SLC13A2: variants seen among roughly 807,000 people sequenced by gnomAD.
The protein encoded by SLC13A2 is solute carrier family 13 member 2.
A neutral mutation model predicts 58.5 loss-of-function variants in SLC13A2; 40 were observed. The ratio of observed to expected loss-of-function variants is 0.68; its 90% CI spans 0.53 to 0.89. SLC13A2 has a LOEUF of 0.89. SLC13A2 is among the 40% of genes least tolerant of loss of function. SLC13A2 has a pLI of 0.00. For synonymous variants in SLC13A2, 341 were observed against 331.6 expected (o/e 1.03, Z -0.31); for missense variants, 694 against 772.6 (o/e 0.90, Z 1.21).
chr17:28,496,568 AC>A lies in SLC13A2; in HGVS notation c.1591del (p.Leu531SerfsTer19), dbSNP rs782266742. On this transcript the variant is annotated frameshift_variant, in exon 11 of 12. Coordinates refer to ENST00000314669, the MANE Select transcript of SLC13A2 (RefSeq NM_003984.4). LOFTEE classifies it low-confidence loss of function (END_TRUNC). The surrounding 1 kb of genome is among the most constrained non-coding windows in gnomAD (Gnocchi z 4.2). ...PPNAIVFSFG[D>X]LKVLDMARAG... ...AATGCCATCGTCTTCTCTTTCGGGG[AC>A]CTCAAAGTGTTGGATATGGTAAGTG... is the stretch of plus-strand genomic sequence containing the variant. The A allele has an allele frequency of 6.2e-7, 1 of 1,613,170 alleles. No homozygotes were observed. Among genetic ancestry groups the A allele is most frequent in the Non-Finnish European group, 8.5e-7 (1 of 1,179,520 alleles).
chr17:28,477,487 C>G lies in SLC13A2; in HGVS notation c.102+3673C>G, dbSNP rs557574397. On this transcript the variant is annotated intron_variant, in intron 1 of 11. Transcript: ENST00000314669. Reference sequence around the variant, plus strand: ...GGGATTACAGGCGTGAGCCACCATGCCCGGCCACCCCCAACTTTTTGAATG... The same window carrying G: ...GGGATTACAGGCGTGAGCCACCATGGCCGGCCACCCCCAACTTTTTGAATG... Among the ~76,000 whole-genome samples the G allele has an allele frequency of 1.8e-3, 270 of 151,880 alleles. 1 individual carries two copies. Among genetic ancestry groups the G allele is most frequent in the African/African-American group, 6.2e-3 (258 of 41,520 alleles).
At chr17:28,492,487 C>T (rs1463932057) in intron 6 of SLC13A2, among the ~76,000 whole-genome samples, 1 of 152,176 alleles carries the variant, frequency 6.6e-6, no homozygotes, top group African/African-American at 2.4e-5. Flanking sequence ...GCAGCAGGAG[C>T]AGATTGCACA....
intron 1 of SLC13A2, among the ~76,000 whole-genome samples, chr17:28,478,527 T>G (rs2068730717): frequency 6.6e-6 from 1 of 152,200 alleles, no homozygotes; most frequent in African/African-American, 2.4e-5. Flanking sequence ...ACATTTGAGT[T>G]GGGCCTTGAA....
chr17:28,495,855 G>T, intron 10 of SLC13A2, 39 bp downstream of exon 10: 1 of 1,592,578 alleles, frequency 6.3e-7, no homozygotes, highest in Non-Finnish European at 8.6e-7. Flanking sequence ...CAGGCAGCCC[G>T]CCTGCCTGCC....
Position 28,490,714 on chromosome 17 carries a change from T to C in SLC13A2, c.382T>C (p.Phe128Leu). 6.2e-7 allele frequency: 1 copy of C among 1,613,550 alleles called. No individual in the cohort carries two copies. The highest frequency in any genetic ancestry group is 2.2e-5 in the East Asian group (1 of 44,854). ...GVRPAPLILG[F>L]MLVTAFLSMW... Reference sequence around the variant, plus strand: ...GCCCATCCCTAGGCTAATCCTGGGCTTCATGCTGGTCACGGCCTTCCTGTC... The same window carrying C: ...GCCCATCCCTAGGCTAATCCTGGGCCTCATGCTGGTCACGGCCTTCCTGTC... Residue 128 changes from phenylalanine to leucine, a missense_variant, in exon 4 of 12, where the codon TTC (phenylalanine) becomes CTC (leucine). Transcript: ENST00000314669.
intron 9 of SLC13A2, among the ~76,000 whole-genome samples, chr17:28,495,225 A>G (rs1301329782): frequency 6.6e-6 from 1 of 152,198 alleles, no homozygotes. Flanking sequence ...AGCCTCTTGC[A>G]GCCTCTGTCA....
At position 28,496,572 on chromosome 17, in the gene SLC13A2, C is replaced by G. The variant is rs782140571; in HGVS notation, c.1593C>G (p.Leu531=). ...CCATCGTCTTCTCTTTCGGGGACCTCAAAGTGTTGGATATGGTAAGTGGCA... is the reference window on the plus strand; with the variant it reads ...CCATCGTCTTCTCTTTCGGGGACCTGAAAGTGTTGGATATGGTAAGTGGCA... ...PNAIVFSFGD[L]KVLDMARAGF... The change falls in exon 11 of 12, where the codon CTC becomes CTG. Residue 531 remains leucine, a synonymous_variant. Transcript: ENST00000314669. The surrounding 1 kb of genome is among the most constrained non-coding windows in gnomAD (Gnocchi z 4.2). 3 of 1,613,482 alleles carry G rather than the reference C, an allele frequency of 1.9e-6. No individual in the cohort carries two copies.
Position 28,497,731 on chromosome 17 carries a change from C to T in SLC13A2, c.*462C>T, listed in dbSNP as rs1428193621. 1 of 158,920 alleles carries T rather than the reference C, an allele frequency of 6.3e-6. No individual in the cohort carries two copies. Among genetic ancestry groups the T allele is most frequent in the Non-Finnish European group, 1.4e-5 (1 of 72,456 alleles). 9.8% of individuals were successfully genotyped at this position (158,920 alleles called of 1,614,324 possible). A position where few individuals can be genotyped will look rare whatever the true frequency, so the allele number is the denominator to read the frequency against. On this transcript the variant is annotated 3_prime_UTR_variant, in exon 12 of 12. Transcript: ENST00000314669. ...GAGGAGGGCCTGCCAGCAGCTGCCACGGGAACAGCCTCTGGGCTGTTAAAG... is the reference window on the plus strand; with the variant it reads ...GAGGAGGGCCTGCCAGCAGCTGCCATGGGAACAGCCTCTGGGCTGTTAAAG...
At chr17:28,483,677 T>G (rs1305025203) in intron 1 of SLC13A2, among the ~76,000 whole-genome samples, 5 of 152,184 alleles carry the variant, frequency 3.3e-5, no homozygotes, top group Admixed American at 6.5e-5. Context: ...TTCCTACATT[T>G]GTTAGCTCTC....
chr17:28,480,659 G>A lies in SLC13A2; in HGVS notation c.102+6845G>A, dbSNP rs535844036. Among the ~76,000 whole-genome samples the A allele has an allele frequency of 3.9e-5, 6 of 152,242 alleles. No individual in the cohort carries two copies. In the East Asian group the frequency reaches 5.8e-4, roughly 15 times the overall value. On this transcript the variant is annotated intron_variant, in intron 1 of 11. Transcript: ENST00000314669. Reference sequence around the variant, plus strand: ...ATGAGCTGAGATAGCACACATATACGTAGAGTACCTGGCACCTGGGGCTTG... The same window carrying A: ...ATGAGCTGAGATAGCACACATATACATAGAGTACCTGGCACCTGGGGCTTG...
At chr17:28,492,287 A>G (rs536242557) in intron 6 of SLC13A2, among the ~76,000 whole-genome samples, 35 of 151,908 alleles carry the variant, frequency 2.3e-4, no homozygotes, top group Middle Eastern at 3.4e-3. Context: ...CTTGTAGCCC[A>G]TCAGGTGGAT....
chr17:28,481,560 G>T (rs1300655558), intron 1 of SLC13A2, among the ~76,000 whole-genome samples: 1 of 152,168 alleles, frequency 6.6e-6, no homozygotes, highest in Admixed American at 6.6e-5. Context: ...TCGCTTTCTG[G>T]GCTTGGTCCT....
chr17:28,477,825 A>T (rs1204159249), intron 1 of SLC13A2, among the ~76,000 whole-genome samples: 1 of 63,530 alleles, frequency 1.6e-5, no homozygotes, highest in African/African-American at 3.4e-5. Flanking sequence ...CGGGCGCCCA[A>T]GGTGGGCAGA....
intron 1 of SLC13A2, among the ~76,000 whole-genome samples, chr17:28,484,109 G>A (rs1030971281): frequency 1.3e-5 from 2 of 152,200 alleles, no homozygotes; most frequent in African/African-American, 4.8e-5. Context: ...CAGGCACCTC[G>A]CTGGGGTGAG....
intron 1 of SLC13A2, among the ~76,000 whole-genome samples, 182 bp from the exon 2 acceptor site, chr17:28,489,032 C>T (rs1322539872): frequency 1.3e-5 from 2 of 152,316 alleles, no homozygotes; most frequent in Middle Eastern, 3.4e-3. Flanking sequence ...ATATTGAGTG[C>T]CTTGCTTTGC....
intron 1 of SLC13A2, among the ~76,000 whole-genome samples, chr17:28,483,754 C>T (rs1005821623): frequency 1.3e-5 from 2 of 152,234 alleles, no homozygotes; most frequent in Admixed American, 6.5e-5. Context: ...GAGGAAACTG[C>T]ATAATGGAGA....
In SLC13A2 at chr17:28,495,762, G is replaced by A; in HGVS notation, c.1416G>A (p.Glu472=). The change falls in exon 10 of 12, where the codon GAG becomes GAA. Residue 472 remains glutamate (E), a synonymous_variant. Coordinates refer to ENST00000314669, the MANE Select transcript of SLC13A2 (RefSeq NM_003984.4). The part of the protein sequence containing the change: ...ILSLLVATFT[E]CTSNVATTTI... ...CCCTCCTGGTGGCCACCTTCACCGA[G>A]TGCACTAGCAACGTGGCCACCACTA... The A allele has an allele frequency of 6.2e-7, 1 of 1,613,340 alleles. No homozygotes were observed. Among genetic ancestry groups the A allele is most frequent in the South Asian group, 1.1e-5 (1 of 91,060 alleles).
At chr17:28,481,479 G>A (rs1555601126) in intron 1 of SLC13A2, among the ~76,000 whole-genome samples, 1 of 152,234 alleles carries the variant, frequency 6.6e-6, no homozygotes. Flanking sequence ...AGTGCATGCT[G>A]TTGGGCACAG....
At chr17:28,475,438 T>G (rs1233211383) in intron 1 of SLC13A2, among the ~76,000 whole-genome samples, 2 of 152,164 alleles carry the variant, frequency 1.3e-5, no homozygotes, top group African/African-American at 4.8e-5. Context: ...AAATATTTCC[T>G]CTCTGCCTGA....
Sources: gnomAD v4.1 joint callset for allele counts (sites outside exome capture counted in the v4.1 genomes callset) on GRCh38, gnomAD v4.1.1 for gene constraint, Gnocchi (gnomAD v3.1) non-coding constraint, MANE v1.5 for transcripts, NCBI Gene and HGNC (gene_info 2026-07-23, HGNC 2026-07-21) for gene names.